TSHR: variants seen among roughly 807,000 people sequenced by gnomAD.
TSHR encodes the protein thyroid stimulating hormone receptor.
A neutral mutation model predicts 64.1 loss-of-function variants in TSHR; 51 were observed. That is an observed-to-expected ratio of 0.80 (90% CI 0.64 to 1.01). TSHR has a LOEUF of 1.01. Among genes scored for constraint, TSHR ranks in the 50% least tolerant of loss-of-function variants. TSHR has a pLI of 0.00. For missense variants in TSHR, 877 were observed against 942.8 expected, an observed-to-expected ratio of 0.93 and a Z score of 0.91; for synonymous variants, 361 against 361.9, an observed-to-expected ratio of 1.00 and a Z score of 0.03.
chr14:80,997,935 A>C (rs12323356), intron 1 of TSHR, among the ~76,000 whole-genome samples: 1 of 151,764 alleles, frequency 6.6e-6, no homozygotes, highest in Non-Finnish European at 1.5e-5. Flanking sequence ...TGTTTGTCTG[A>C]ACTGTCTCAT....
intron 3 of TSHR, among the ~76,000 whole-genome samples, chr14:81,069,323 T>C (rs890564216): frequency 6.6e-6 from 1 of 152,190 alleles, no homozygotes; most frequent in African/African-American, 2.4e-5. Context: ...TTCTTCCCTA[T>C]CCACTACATT....
At position 80,955,622 on chromosome 14, in the gene TSHR, C is replaced by T; in HGVS notation, c.-59C>T. 2 of 1,604,648 alleles carry T rather than the reference C, an allele frequency of 1.2e-6. No homozygotes were observed. The highest frequency in any genetic ancestry group is 1.7e-6 in the Non-Finnish European group (2 of 1,173,308). On this transcript the variant is annotated 5_prime_UTR_variant, in exon 1 of 10. Coordinates refer to ENST00000298171, the MANE Select transcript of TSHR (RefSeq NM_000369.5). ...CTTTGGCCTGGGGTAACCCGAGGTG[C>T]AGAGCTGAGAATGAGGCGATTTCGG... is the stretch of plus-strand genomic sequence containing the variant.
Position 81,146,300 on chromosome 14 carries a change from G to A in TSHR, c.*1947G>A, listed in dbSNP as rs1017140816. 5.2e-6 allele frequency: 1 copy of A among 193,402 alleles called. No individual in the cohort carries two copies. The highest frequency in any genetic ancestry group is 1.1e-5 in the Non-Finnish European group (1 of 92,654). The allele number at this position is 193,402 out of a possible 1,614,324, so 12.0% of individuals were successfully genotyped here. A position where few individuals can be genotyped will look rare whatever the true frequency, so the allele number is the denominator to read the frequency against. On this transcript the variant is annotated 3_prime_UTR_variant, in exon 10 of 10. Coordinates refer to ENST00000298171, the MANE Select transcript of TSHR (RefSeq NM_000369.5). ...TAAATTTTCTTCCTATGGAATAATC[G>A]TGCCAAGTCCTAGAGTGTTGTTCTT...
chr14:80,960,057 C>T (rs557339126), intron 1 of TSHR, among the ~76,000 whole-genome samples: 2 of 152,298 alleles, frequency 1.3e-5, no homozygotes, highest in Admixed American at 1.3e-4. Flanking sequence ...GCTGCCTTCT[C>T]TTTGTTAAAA....
At chr14:81,042,909 A>G (rs78176261) in intron 1 of TSHR, among the ~76,000 whole-genome samples, 15,767 of 152,140 alleles carry the variant, frequency 0.1, 1,030 homozygotes, top group South Asian at 0.23. Flanking sequence ...CCTGATAAAT[A>G]TGTACAATTA....
intron 1 of TSHR, among the ~76,000 whole-genome samples, chr14:81,043,433 A>C (rs1163454969): frequency 6.6e-6 from 1 of 152,210 alleles, no homozygotes; most frequent in Non-Finnish European, 1.5e-5. Context: ...CAAAGAAATC[A>C]GAGGACATAA....
chr14:80,965,343 G>T (rs1357213540), intron 1 of TSHR, among the ~76,000 whole-genome samples: 1 of 152,114 alleles, frequency 6.6e-6, no homozygotes, highest in African/African-American at 2.4e-5. Context: ...AGTTGATCAC[G>T]ACCCTCACTC....
intron 8 of TSHR, among the ~76,000 whole-genome samples, chr14:81,115,536 G>C (rs1890460715): frequency 6.7e-6 from 1 of 148,852 alleles, no homozygotes. Flanking sequence ...TATGTGAAAA[G>C]ACCAAATCTA....
At position 81,144,296 on chromosome 14, in the gene TSHR, T is replaced by C. The variant is rs1891846014; in HGVS notation, c.2238T>C (p.His746=). Residue 746 remains histidine, a synonymous_variant, in exon 10 of 10, where the codon CAT becomes CAC. Coordinates refer to ENST00000298171, the MANE Select transcript of TSHR (RefSeq NM_000369.5). ...TCTATGAACTGATTGAAAACTCCCA[T>C]CTAACCCCAAAGAAGCAAGGCCAAA... ...EDVYELIENS[H]LTPKKQGQIS... is the part of the protein sequence containing the mutation. 1.2e-6 allele frequency: 2 copies of C among 1,614,000 alleles called. No individual in the cohort carries two copies. Among genetic ancestry groups the C allele is most frequent in the Admixed American group, 1.7e-5 (1 of 59,980 alleles).
At chr14:81,026,433 A>T (rs930413327) in intron 1 of TSHR, among the ~76,000 whole-genome samples, 3 of 152,228 alleles carry the variant, frequency 2.0e-5, no homozygotes, top group Non-Finnish European at 4.4e-5. Context: ...TTGAAAAGGA[A>T]TTAACATAGG....
At chr14:81,006,521 T>A (rs1275913129) in intron 1 of TSHR, among the ~76,000 whole-genome samples, 6 of 148,920 alleles carry the variant, frequency 4.0e-5, no homozygotes, top group African/African-American at 7.3e-5. Flanking sequence ...TATAGTCAAT[T>A]TTTTTTTTTT....
At chr14:81,077,801 T>G (rs1241486697) in intron 3 of TSHR, among the ~76,000 whole-genome samples, 1 of 152,206 alleles carries the variant, frequency 6.6e-6, no homozygotes, top group Non-Finnish European at 1.5e-5. Context: ...TAGTTGTTTT[T>G]GCTTTTGTTT....
intron 8 of TSHR, among the ~76,000 whole-genome samples, chr14:81,124,013 C>A (rs932783010): frequency 6.6e-6 from 1 of 152,078 alleles, no homozygotes; most frequent in Admixed American, 6.5e-5. Flanking sequence ...TCTCTAAATT[C>A]TAAATTATGT....
In TSHR at chr14:80,987,034, T is replaced by G. The variant is rs556092355; in HGVS notation, c.170+31184T>G. ...ATTGGCCTGTTTTTCCCAACATTCA[T>G]GCACTATCGACCCTTCCTTTTTCTT... On this transcript the variant is annotated intron_variant, in intron 1 of 9. Transcript: ENST00000298171. Among the ~76,000 whole-genome samples, 214 of 152,362 alleles carry G rather than the reference T, an allele frequency of 1.4e-3. 1 individual carries two copies. Among genetic ancestry groups the G allele is most frequent in the Admixed American group, 4.2e-3 (65 of 15,304 alleles).
At chr14:81,030,592 T>G (rs2300524) in intron 1 of TSHR, among the ~76,000 whole-genome samples, 37,133 of 152,038 alleles carry the variant, frequency 0.24, 4,653 homozygotes, top group South Asian at 0.33. Flanking sequence ...CTCTTACCAG[T>G]AGTTTTTCAT....
At position 81,067,485 on chromosome 14, in the gene TSHR, A is replaced by T. The variant is rs192821201; in HGVS notation, c.243-769A>T. ...ATTAGTGAAAGGAGTTTATAGTTTTATATATATATATATATATATAGTGAT... is the reference window on the plus strand; with the variant it reads ...ATTAGTGAAAGGAGTTTATAGTTTTTTATATATATATATATATATAGTGAT... On this transcript the variant is annotated intron_variant, in intron 2 of 9. Coordinates refer to ENST00000298171, the MANE Select transcript of TSHR (RefSeq NM_000369.5). 3.9e-3 allele frequency among the ~76,000 whole-genome samples: 542 copies of T among 140,248 alleles called. 5 individuals are homozygous for T. Among genetic ancestry groups the T allele is most frequent in the African/African-American group, 0.015 (523 of 35,344 alleles). 92.0% of individuals were successfully genotyped at this position (140,248 alleles called of 152,430 possible).
chr14:81,139,914 G>C, intron 9 of TSHR, 47 bp downstream of exon 9: 1 of 1,608,608 alleles, frequency 6.2e-7, no homozygotes, highest in Non-Finnish European at 8.5e-7. Context: ...CTTGGTGGAA[G>C]TGGAATTCAT....
intron 1 of TSHR, among the ~76,000 whole-genome samples, chr14:81,061,082 G>A (rs1886203027): frequency 6.6e-6 from 1 of 152,120 alleles, no homozygotes; most frequent in South Asian, 2.1e-4. Context: ...GGAAGAATTT[G>A]CTCCTTGCCA....
At chr14:81,077,998 T>G (rs1025111981) in intron 3 of TSHR, among the ~76,000 whole-genome samples, 1 of 152,132 alleles carries the variant, frequency 6.6e-6, no homozygotes, top group Non-Finnish European at 1.5e-5. Flanking sequence ...CATGCTATTG[T>G]TGTCATATAT....
Sources: allele counts gnomAD v4.1 joint callset (sites outside exome capture counted in the v4.1 genomes callset), GRCh38; gene constraint gnomAD v4.1.1; transcripts MANE v1.5; gene names NCBI Gene and HGNC (gene_info 2026-07-23, HGNC 2026-07-21).